Variants in SEMA3D observed in about 807,000 individuals in gnomAD.
SEMA3D encodes the protein semaphorin-3D.
SEMA3D carries 84 observed loss-of-function variants against 100.1 expected under a neutral mutation model. The observed-to-expected ratio is 0.84, with a 90% CI of 0.70 to 1.01. The LOEUF (loss-of-function observed/expected upper bound fraction) is 1.01. SEMA3D is among the 50% of genes least tolerant of loss of function. SEMA3D has a pLI of 0.00. For synonymous variants in SEMA3D, 312 were observed against 320.7 expected, an observed-to-expected ratio of 0.97 and a Z score of 0.29; for missense variants, 875 against 934.1, an observed-to-expected ratio of 0.94 and a Z score of 0.82.
chr7:85,114,147 C>T (rs997577459), intron 3 of SEMA3D, among the ~76,000 whole-genome samples: 15 of 152,078 alleles, frequency 9.9e-5, no homozygotes, highest in Admixed American at 9.2e-4. Flanking sequence ...GTGATTCTTA[C>T]TTCAGAAGCA....
chr7:85,143,824 C>T (rs1790124469), intron 2 of SEMA3D, among the ~76,000 whole-genome samples: 1 of 151,526 alleles, frequency 6.6e-6, no homozygotes, highest in Admixed American at 6.6e-5. Flanking sequence ...TGGGTTCAAG[C>T]TTCAGCCTCC....
chr7:85,114,585 A>G (rs750140685), intron 3 of SEMA3D, among the ~76,000 whole-genome samples: 18 of 152,158 alleles, frequency 1.2e-4, no homozygotes, highest in Non-Finnish European at 2.1e-4. Flanking sequence ...GTGTTGGAAG[A>G]TATCTAGGAT....
intron 1 of SEMA3D, among the ~76,000 whole-genome samples, chr7:85,168,878 A>AAAG (rs1562843194): frequency 7.2e-6 from 1 of 138,074 alleles, no homozygotes; most frequent in Admixed American, 7.3e-5. Flanking sequence ...AGAAAGAAAG[A>AAAG]AAAGAAAGAA....
intron 9 of SEMA3D, among the ~76,000 whole-genome samples, chr7:85,051,974 T>C (rs1424533074): frequency 3.9e-5 from 6 of 152,050 alleles, no homozygotes; most frequent in Non-Finnish European, 8.8e-5. Context: ...TACATGGCGA[T>C]TGTATTGGAT....
intron 3 of SEMA3D, among the ~76,000 whole-genome samples, chr7:85,115,651 C>G (rs111423153): frequency 6.6e-6 from 1 of 151,902 alleles, no homozygotes; most frequent in African/African-American, 2.4e-5. Context: ...AATGGACAGA[C>G]CTTACATGTG....
intron 7 of SEMA3D, among the ~76,000 whole-genome samples, chr7:85,066,267 A>G (rs1229295219): frequency 6.6e-6 from 1 of 152,066 alleles, no homozygotes; most frequent in Non-Finnish European, 1.5e-5. Flanking sequence ...AAAGGAGAGA[A>G]GAACAAAGAA....
rs914563605 is a variant in SEMA3D, at chr7:85,098,056, GA to G, written c.152-92del. ...AGAGAAAGAAGAAAGAAAAAGAAAG[GA>G]AAGAGAGAAAAGGAAAGAAAAAGAA... On this transcript the variant is annotated intron_variant, in intron 3 of 18. Coordinates refer to ENST00000284136, the MANE Select transcript of SEMA3D (RefSeq NM_001384900.1). 9.2e-6 allele frequency: 6 copies of G among 649,482 alleles called. No individual in the cohort carries two copies. The African/African-American group carries it at 1.2e-4, about 13-fold the overall frequency. The allele number at this position is 649,482 out of a possible 1,614,324, so 40.2% of individuals were successfully genotyped here.
chr7:85,133,186 C>A (rs1789774821), intron 2 of SEMA3D, among the ~76,000 whole-genome samples: 1 of 151,900 alleles, frequency 6.6e-6, no homozygotes, highest in South Asian at 2.1e-4. Context: ...TTTGTGCTAT[C>A]TAATTTCCCC....
the SEMA3D span, among the ~76,000 whole-genome samples, chr7:85,237,747 T>A: frequency 2.0e-5 from 3 of 152,182 alleles, no homozygotes; most frequent in African/African-American, 7.2e-5. Flanking sequence ...ATAATAAACA[T>A]CCATGTAATA....
chr7:85,141,110 A>C, intron 2 of SEMA3D: 1 of 981,588 alleles, frequency 1.0e-6, no homozygotes, highest in Non-Finnish European at 1.2e-6. Flanking sequence ...GAGATGTTTC[A>C]AAACTGTTTT....
rs878924801 is a variant in SEMA3D at position 85,012,936 on chromosome 7, T to G, written c.1704-90A>C. 5 of 903,138 alleles carry G rather than the reference T, an allele frequency of 5.5e-6. No individual in the cohort carries two copies. In the Admixed American group the frequency reaches 9.0e-5, roughly 16 times the overall value. 55.9% of individuals were successfully genotyped at this position (903,138 alleles called of 1,614,324 possible). A position where few individuals can be genotyped will look rare whatever the true frequency, so the allele number is the denominator to read the frequency against. On this transcript the variant is annotated intron_variant, in intron 16 of 18. Coordinates refer to ENST00000284136, the MANE Select transcript of SEMA3D (RefSeq NM_001384900.1). ...ATCTAATACTAATAACAGTGGCAGA[T>G]GCAGTACTATGCTTGTCTTACAGTT... is the stretch of plus-strand genomic sequence containing the variant.
At chr7:85,082,375 G>A (rs1788090026) in intron 4 of SEMA3D, among the ~76,000 whole-genome samples, 2 of 152,108 alleles carry the variant, frequency 1.3e-5, no homozygotes, top group Admixed American at 6.6e-5. Context: ...TTTAAATTCT[G>A]TCAGGAAGTT....
At chr7:85,233,135 T>C in the SEMA3D span, among the ~76,000 whole-genome samples, 173 of 152,286 alleles carry the variant, frequency 1.1e-3, 1 homozygote, top group African/African-American at 4.0e-3. Flanking sequence ...CATGAGGACA[T>C]TATTTTGAGG....
the SEMA3D span, among the ~76,000 whole-genome samples, chr7:85,231,526 C>G: frequency 6.7e-6 from 1 of 148,696 alleles, no homozygotes; most frequent in Non-Finnish European, 1.5e-5. Context: ...TCTCGGCTCA[C>G]TGCAAGCTCC....
chr7:85,241,514 GA>G, the SEMA3D span, among the ~76,000 whole-genome samples: 1 of 113,198 alleles, frequency 8.8e-6, no homozygotes, highest in African/African-American at 4.0e-5. Context: ...AGCAATAAAA[GA>G]AATGAATTAA....
chr7:85,100,520 A>G (rs1326049939), intron 3 of SEMA3D, among the ~76,000 whole-genome samples: 1 of 151,906 alleles, frequency 6.6e-6, no homozygotes, highest in African/African-American at 2.4e-5. Flanking sequence ...ATTATATGCT[A>G]TCTGACTTTT....
At chr7:85,067,271 C>T (rs887146351) in intron 7 of SEMA3D, among the ~76,000 whole-genome samples, 5 of 152,222 alleles carry the variant, frequency 3.3e-5, no homozygotes, top group South Asian at 4.1e-4. Context: ...TAACAACTGC[C>T]GCCAATCTAT....
intron 2 of SEMA3D, chr7:85,143,279 T>A: frequency 2.1e-6 from 1 of 480,908 alleles, no homozygotes; most frequent in Non-Finnish European, 2.7e-6. Flanking sequence ...TCAAAGTGAT[T>A]AAAAATAAGA....
At chr7:85,209,901 T>C in the SEMA3D span, among the ~76,000 whole-genome samples, 11 of 152,200 alleles carry the variant, frequency 7.2e-5, no homozygotes, top group East Asian at 2.1e-3. Context: ...TTTGTCTTGG[T>C]TATTATTAAA....
Sources: gnomAD v4.1 joint callset for allele counts (sites outside exome capture counted in the v4.1 genomes callset) on GRCh38, gnomAD v4.1.1 for gene constraint, MANE v1.5 for transcripts, NCBI Gene and HGNC (gene_info 2026-07-23, HGNC 2026-07-21) for gene names.